Variants in FER observed in about 807,000 individuals in gnomAD.
The protein encoded by FER is FER tyrosine kinase, also known as tyrosine-protein kinase Fer.
FER carries 63 observed loss-of-function variants against 111.0 expected under a neutral mutation model. That is an observed-to-expected ratio of 0.57 (90% CI 0.46 to 0.70). The LOEUF (loss-of-function observed/expected upper bound fraction) is 0.70, where lower values mean the gene tolerates loss of function less well. FER is among the 30% of genes least tolerant of loss of function. The pLI is 0.00. For missense variants in FER, 914 were observed against 954.0 expected, an observed-to-expected ratio of 0.96 and a Z score of 0.55; for synonymous variants, 327 against 313.9, an observed-to-expected ratio of 1.04 and a Z score of -0.44.
intron 16 of FER, among the ~76,000 whole-genome samples, chr5:109,094,913 C>T (rs1747295535): frequency 6.6e-6 from 1 of 152,142 alleles, no homozygotes; most frequent in Non-Finnish European, 1.5e-5. Context: ...GAGTGTTTGT[C>T]AAAGTTGACT....
At chr5:108,775,906 G>A (rs1431651384) in intron 2 of FER, among the ~76,000 whole-genome samples, 2 of 152,110 alleles carry the variant, frequency 1.3e-5, no homozygotes, top group Non-Finnish European at 2.9e-5. Flanking sequence ...TTTTTGGTTT[G>A]TACTTGCATG....
intron 13 of FER, among the ~76,000 whole-genome samples, chr5:108,979,152 T>C (rs1313883691): frequency 4.6e-5 from 7 of 152,310 alleles, no homozygotes; most frequent in Admixed American, 6.5e-5. Flanking sequence ...TTAGAAATCC[T>C]AGCTTGTGGT....
intron 17 of FER, among the ~76,000 whole-genome samples, chr5:109,123,903 A>G (rs1404405399): frequency 1.3e-5 from 2 of 152,146 alleles, no homozygotes; most frequent in Non-Finnish European, 2.9e-5. Context: ...TTACATTTGT[A>G]TGTTTACATT....
chr5:109,142,753 A>G (rs1753664944), intron 17 of FER, among the ~76,000 whole-genome samples: 1 of 152,290 alleles, frequency 6.6e-6, no homozygotes, highest in South Asian at 2.1e-4. Flanking sequence ...ACATAGAAAT[A>G]GAAAAAATGG....
chr5:109,019,763 A>G (rs1767684789), intron 13 of FER, among the ~76,000 whole-genome samples: 1 of 151,834 alleles, frequency 6.6e-6, no homozygotes, highest in African/African-American at 2.4e-5. Flanking sequence ...CCAGGGAAGA[A>G]GTGAGTTACA....
At chr5:109,127,433 C>G (rs1751853545) in intron 17 of FER, among the ~76,000 whole-genome samples, 1 of 152,058 alleles carries the variant, frequency 6.6e-6, no homozygotes, top group Non-Finnish European at 1.5e-5. Context: ...GAGACAGAGT[C>G]TCGCTCTGTT....
intron 9 of FER, among the ~76,000 whole-genome samples, chr5:108,894,782 G>A (rs1229220558): frequency 6.6e-6 from 1 of 152,124 alleles, no homozygotes; most frequent in Non-Finnish European, 1.5e-5. Flanking sequence ...GCAGGCAAGA[G>A]AGAGAGCATG....
intron 13 of FER, among the ~76,000 whole-genome samples, chr5:108,993,252 G>A (rs1763496119): frequency 6.6e-6 from 1 of 152,232 alleles, no homozygotes; most frequent in Admixed American, 6.5e-5. Context: ...GGGCACCATT[G>A]AGCACTGAGT....
In FER at chr5:109,079,025, C is replaced by T. The variant is rs536169163; in HGVS notation, c.1925-21371C>T. Among the ~76,000 whole-genome samples, 9 of 152,194 alleles carry T rather than the reference C, an allele frequency of 5.9e-5. No homozygotes were observed. In the South Asian group the frequency reaches 1.9e-3, roughly 32 times the overall value. ...ACCATATTTGAGATCCTCAGTCTTACCACAACCATACCCACATAGTTGAAT... is the reference window on the plus strand; with the variant it reads ...ACCATATTTGAGATCCTCAGTCTTATCACAACCATACCCACATAGTTGAAT... On this transcript the variant is annotated intron_variant, in intron 16 of 19. Coordinates refer to ENST00000281092, the MANE Select transcript of FER (RefSeq NM_005246.4).
chr5:109,059,459 C>T (rs535585169), intron 16 of FER, among the ~76,000 whole-genome samples: 8 of 152,062 alleles, frequency 5.3e-5, no homozygotes, highest in Admixed American at 1.3e-4. Context: ...ACCCGGGAGG[C>T]GGAGGTTGCA....
chr5:108,929,617 G>T (rs576593893), intron 10 of FER, among the ~76,000 whole-genome samples: 1 of 151,624 alleles, frequency 6.6e-6, no homozygotes, highest in East Asian at 1.9e-4. Flanking sequence ...TTTTTTAAAG[G>T]AAGTCATTAA....
Position 109,193,668 on chromosome 5 carries a change from T to C in FER, c.*6093T>C, listed in dbSNP as rs905715530. On this transcript the variant is annotated 3_prime_UTR_variant, in exon 20 of 20. Transcript: ENST00000281092. ...AGGTGCAGAGAATACTACCAGGTGC[T>C]AGTTTTTCCAGTATTTGACTTCTGA... is the stretch of plus-strand genomic sequence containing the variant. 2.0e-5 allele frequency: 3 copies of C among 152,214 alleles called. No individual in the cohort carries two copies. Among genetic ancestry groups the C allele is most frequent in the Non-Finnish European group, 4.4e-5 (3 of 68,040 alleles). 9.4% of individuals were successfully genotyped at this position (152,214 alleles called of 1,614,324 possible). A position where few individuals can be genotyped will look rare whatever the true frequency, so the allele number is the denominator to read the frequency against.
At chr5:109,163,751 T>G (rs1003817112) in intron 17 of FER, among the ~76,000 whole-genome samples, 28 of 152,136 alleles carry the variant, frequency 1.8e-4, no homozygotes, top group African/African-American at 6.5e-4. Context: ...CCTAAAAATT[T>G]TTGAATAAAA....
At chr5:108,786,516 T>C (rs1754732680) in intron 2 of FER, among the ~76,000 whole-genome samples, 1 of 152,214 alleles carries the variant, frequency 6.6e-6, no homozygotes, top group African/African-American at 2.4e-5. Context: ...TTTTTCTTTT[T>C]TTGAGACGGA....
At chr5:109,121,606 T>A (rs1750986095) in intron 17 of FER, among the ~76,000 whole-genome samples, 1 of 152,176 alleles carries the variant, frequency 6.6e-6, no homozygotes, top group South Asian at 2.1e-4. Context: ...AGTGGCCTCA[T>A]GGAATGAGTT....
At chr5:109,139,350 C>CTTTTTTTTTTTTTTTTTTTT (rs59092426) in intron 17 of FER, among the ~76,000 whole-genome samples, 15 of 91,112 alleles carry the variant, frequency 1.6e-4, no homozygotes, top group African/African-American at 6.6e-4. Context: ...TTCTTTCTTT[C>CTTTTTTTTTTTTTTTTTTTT]TTTTTTTTTT....
chr5:109,166,586 C>T (rs965505617), intron 17 of FER, among the ~76,000 whole-genome samples: 2 of 152,136 alleles, frequency 1.3e-5, no homozygotes, highest in Admixed American at 1.3e-4. Flanking sequence ...AGTACAGTGT[C>T]TCAAAGTATA....
intron 2 of FER, among the ~76,000 whole-genome samples, chr5:108,790,812 T>A (rs760187527): frequency 6.6e-6 from 1 of 152,218 alleles, no homozygotes; most frequent in Non-Finnish European, 1.5e-5. Flanking sequence ...ATTCCTAATT[T>A]CACCCCACAT....
intron 2 of FER, among the ~76,000 whole-genome samples, chr5:108,774,382 ATAGTAGAATGATT>A (rs2149977199): frequency 6.6e-6 from 1 of 152,238 alleles, no homozygotes; most frequent in Admixed American, 6.5e-5. Context: ...GTGTGTCTTT[ATAGTAGAATGATT>A]TATGTTCCTT....
Sources: allele counts gnomAD v4.1 joint callset (sites outside exome capture counted in the v4.1 genomes callset), GRCh38; gene constraint gnomAD v4.1.1; transcripts MANE v1.5; gene names NCBI Gene and HGNC (gene_info 2026-07-23, HGNC 2026-07-21).